HSD17B3: variants seen among roughly 807,000 people sequenced by gnomAD.
The protein encoded by HSD17B3 is hydroxysteroid 17-beta dehydrogenase 3.
HSD17B3 carries 29 observed loss-of-function variants against 41.1 expected under a neutral mutation model. The ratio of observed to expected loss-of-function variants is 0.71; its 90% CI spans 0.53 to 0.96. HSD17B3 has a LOEUF of 0.96. Ranked by LOEUF, HSD17B3 falls within the 40% of genes least tolerant of loss-of-function variation. The probability of loss-of-function intolerance (pLI) is 0.00; values close to 1 mark genes in which losing one functional copy is unlikely to be tolerated. For synonymous variants in HSD17B3, 126 were observed against 145.6 expected (o/e 0.87, Z 0.97); for missense variants, 323 against 374.6 (o/e 0.86, Z 1.14).
At chr9:96,236,487 A>G (rs950222154) in intron 10 of HSD17B3, among the ~76,000 whole-genome samples, 5 of 151,186 alleles carry the variant, frequency 3.3e-5, no homozygotes, top group Non-Finnish European at 7.4e-5. Flanking sequence ...ATTGCACTCC[A>G]GCCTGGGTGA....
At chr9:96,295,371 G>A (rs1240094489) in intron 2 of HSD17B3, among the ~76,000 whole-genome samples, 1 of 147,818 alleles carries the variant, frequency 6.8e-6, no homozygotes, top group African/African-American at 2.5e-5. Context: ...TCTCACTCTT[G>A]TCCCCCAGGC....
chr9:96,283,705 T>G (rs1300927113), intron 2 of HSD17B3, among the ~76,000 whole-genome samples: 2 of 151,770 alleles, frequency 1.3e-5, no homozygotes, highest in Non-Finnish European at 2.9e-5. Context: ...TCCTAAAACT[T>G]TTTGTCATCC....
intron 4 of HSD17B3, 84 bp from the exon 5 acceptor site, chr9:96,251,569 T>C (rs1371765643): frequency 7.9e-7 from 1 of 1,257,894 alleles, no homozygotes; most frequent in Non-Finnish European, 1.2e-6. Context: ...AAGATTGACA[T>C]GTAAGGTTGT....
intron 2 of HSD17B3, among the ~76,000 whole-genome samples, chr9:96,286,763 C>T (rs1587779933): frequency 6.6e-6 from 1 of 152,156 alleles, no homozygotes; most frequent in South Asian, 2.1e-4. Context: ...TGCTACACCC[C>T]CACCAGCACC....
intron 5 of HSD17B3, 38 bp downstream of exon 5, chr9:96,251,380 G>A (rs1169879137): frequency 3.2e-6 from 5 of 1,578,518 alleles, no homozygotes; most frequent in Non-Finnish European, 4.4e-6. Context: ...CCAGAACCTG[G>A]ATAAGAGGAA....
At chr9:96,242,999 T>C (rs1836513325) in intron 9 of HSD17B3, among the ~76,000 whole-genome samples, 1 of 152,140 alleles carries the variant, frequency 6.6e-6, no homozygotes, top group Admixed American at 6.5e-5. Flanking sequence ...GGCCAGAGCA[T>C]TTCATTGTCA....
chr9:96,248,635 G>A (rs146253513), intron 6 of HSD17B3, among the ~76,000 whole-genome samples: 3 of 152,316 alleles, frequency 2.0e-5, no homozygotes, highest in African/African-American at 7.2e-5. Context: ...GTGCAGGTGG[G>A]AAGCTCAGAG....
intron 7 of HSD17B3, among the ~76,000 whole-genome samples, chr9:96,246,305 C>T (rs1048595648): frequency 2.6e-5 from 4 of 152,224 alleles, no homozygotes; most frequent in Admixed American, 6.5e-5. Context: ...CCAGTGTGTG[C>T]TGAAACTGCC....
chr9:96,277,266 G>C (rs945666759), intron 2 of HSD17B3, among the ~76,000 whole-genome samples: 15 of 151,484 alleles, frequency 9.9e-5, no homozygotes, highest in African/African-American at 3.6e-4. Flanking sequence ...ACAATCAACA[G>C]AGTGAAAAGG....
chr9:96,278,992 T>C (rs190807997), intron 2 of HSD17B3, among the ~76,000 whole-genome samples: 45 of 152,234 alleles, frequency 3.0e-4, no homozygotes, highest in Admixed American at 2.8e-3. Context: ...GTAGATAAAA[T>C]ATTCTAAGGG....
intron 10 of HSD17B3, among the ~76,000 whole-genome samples, chr9:96,237,063 C>A (rs995927030): frequency 6.6e-6 from 1 of 152,180 alleles, no homozygotes; most frequent in Non-Finnish European, 1.5e-5. Flanking sequence ...CTAGCCACGT[C>A]GCTGAATCAA....
In HSD17B3 at chr9:96,284,822, CAG is replaced by C. The variant is rs565968580; in HGVS notation, c.201+13592_201+13593del. The stretch of plus-strand genomic sequence containing the variant: ...TCTTATCGAGATTCCTTCTATGGAA[CAG>C]AGTTTCATCAAAGCCAATTTTTTTT... On this transcript the variant is annotated intron_variant, in intron 2 of 10. Transcript: ENST00000375263. Among the ~76,000 whole-genome samples, 654 of 149,106 alleles carry C rather than the reference CAG, an allele frequency of 4.4e-3. 13 individuals carry two copies. The highest frequency in any genetic ancestry group is 0.015 in the African/African-American group (616 of 40,504).
intron 8 of HSD17B3, 30 bp from the exon 9 acceptor site, chr9:96,244,424 C>A: frequency 6.2e-7 from 1 of 1,612,196 alleles, no homozygotes; most frequent in Non-Finnish European, 8.5e-7. Context: ...CACCTGAGGC[C>A]CCAGAGTGAG....
At chr9:96,274,390 G>A (rs1037396029) in intron 2 of HSD17B3, among the ~76,000 whole-genome samples, 5 of 152,204 alleles carry the variant, frequency 3.3e-5, no homozygotes, top group Non-Finnish European at 5.9e-5. Flanking sequence ...GAATCCGGGA[G>A]GCAGAGGCTG....
chr9:96,272,405 C>A (rs2985282), intron 2 of HSD17B3, among the ~76,000 whole-genome samples: 13 of 21,540 alleles, frequency 6.0e-4, no homozygotes, highest in African/African-American at 8.0e-4. Flanking sequence ...CTCTCTCTCT[C>A]TATATATATA....
Position 96,235,424 on chromosome 9 carries a change from T to C in HSD17B3, c.*36A>G, listed in dbSNP as rs768154191. 4.2e-6 allele frequency: 6 copies of C among 1,425,326 alleles called. No individual in the cohort carries two copies. The Admixed American group carries it at 1.1e-4, about 25-fold the overall frequency. 88.3% of individuals were successfully genotyped at this position (1,425,326 alleles called of 1,614,324 possible). A position where few individuals can be genotyped will look rare whatever the true frequency, so the allele number is the denominator to read the frequency against. On this transcript the variant is annotated 3_prime_UTR_variant, in exon 11 of 11. Transcript: ENST00000375263. ...TCCTCTTCAGCCAGCATGGGACTGG[T>C]GAGGAAAAGGTTGTGCTGGACTCCT...
chr9:96,288,787 A>C (rs1482890312), intron 2 of HSD17B3, among the ~76,000 whole-genome samples: 1 of 152,016 alleles, frequency 6.6e-6, no homozygotes. Flanking sequence ...ATACAAAAAA[A>C]ATTAGCCAGG....
At chr9:96,286,271 G>A (rs1228544361) in intron 2 of HSD17B3, among the ~76,000 whole-genome samples, 1 of 152,060 alleles carries the variant, frequency 6.6e-6, no homozygotes, top group Non-Finnish European at 1.5e-5. Context: ...TTTAACCCGG[G>A]AGGCGGAGGT....
At chr9:96,244,889 C>T (rs1036201894) in intron 8 of HSD17B3, among the ~76,000 whole-genome samples, 1 of 152,096 alleles carries the variant, frequency 6.6e-6, no homozygotes, top group Non-Finnish European at 1.5e-5. Context: ...ATCCCCCGGT[C>T]TGGGAAGAGG....
Sources: gnomAD v4.1 joint callset for allele counts (sites outside exome capture counted in the v4.1 genomes callset) on GRCh38, gnomAD v4.1.1 for gene constraint, MANE v1.5 for transcripts, NCBI Gene and HGNC (gene_info 2026-07-23, HGNC 2026-07-21) for gene names.